Variants in CCZ1B observed in about 807,000 individuals in gnomAD.
CCZ1B encodes the protein vacuolar fusion protein CCZ1 homolog B.
In CCZ1B, 25 loss-of-function variants were observed where a neutral mutation model predicts 58.8. The ratio of observed to expected loss-of-function variants is 0.43; its 90% CI spans 0.31 to 0.59. The LOEUF (loss-of-function observed/expected upper bound fraction) is 0.59, where lower values mean the gene tolerates loss of function less well. Among genes scored for constraint, CCZ1B ranks in the 20% least tolerant of loss-of-function variants. CCZ1B has a pLI of 0.12. For synonymous variants in CCZ1B, 66 were observed against 173.2 expected (o/e 0.38, Z 4.86); for missense variants, 180 against 501.5 (o/e 0.36, Z 6.12).
rs1371783074 is a variant in CCZ1B at position 6,813,566 on chromosome 7, G to C, written c.781-529C>G. On this transcript the variant is annotated intron_variant, in intron 8 of 14. Transcript: ENST00000316731. ...CATCTCTTAAAAAAAATATTGGAGA[G>C]CGGGAGGACAAGAGGGAGGGAATGA... 2.0e-5 allele frequency among the ~76,000 whole-genome samples: 3 copies of C among 149,216 alleles called. 1 individual carries two copies. The highest frequency in any genetic ancestry group is 4.4e-5 in the Non-Finnish European group (3 of 67,652).
intron 7 of CCZ1B, among the ~76,000 whole-genome samples, chr7:6,818,600 AAAG>A (rs1783049170): frequency 7.4e-6 from 1 of 134,808 alleles, no homozygotes; most frequent in Non-Finnish European, 1.6e-5. Flanking sequence ...AGACAGAAAG[AAAG>A]AAAGAAAGAA....
At chr7:6,821,533 C>T (rs770325906) in intron 6 of CCZ1B, among the ~76,000 whole-genome samples, 50 of 152,276 alleles carry the variant, frequency 3.3e-4, no homozygotes, top group Admixed American at 2.7e-3. Flanking sequence ...TTTAGAAAGT[C>T]GAATTCAAAA....
intron 6 of CCZ1B, among the ~76,000 whole-genome samples, chr7:6,820,558 C>G (rs1198117488): frequency 6.8e-6 from 1 of 148,130 alleles, no homozygotes. Flanking sequence ...CTCCGTGATT[C>G]TCGTGTCTAG....
intron 7 of CCZ1B, among the ~76,000 whole-genome samples, chr7:6,816,508 T>C (rs1169126907): frequency 6.7e-6 from 1 of 150,208 alleles, no homozygotes; most frequent in Non-Finnish European, 1.5e-5. Flanking sequence ...CAAAGCAATA[T>C]ACTAAGTAAA....
intron 1 of CCZ1B, among the ~76,000 whole-genome samples, chr7:6,825,287 T>C (rs1257853669): frequency 2.7e-5 from 4 of 146,806 alleles, no homozygotes; most frequent in East Asian, 3.9e-4. Flanking sequence ...GCCCAGGCTG[T>C]AGTGCAGTGG....
chr7:6,816,236 TGGGGAAGCCAA>T (rs1377369332), intron 7 of CCZ1B, among the ~76,000 whole-genome samples: 6 of 148,970 alleles, frequency 4.0e-5, no homozygotes, highest in Non-Finnish European at 8.9e-5. Context: ...TCCCAGCACT[TGGGGAAGCCAA>T]GGTGAGCAGA....
intron 6 of CCZ1B, among the ~76,000 whole-genome samples, chr7:6,821,435 T>C (rs1456332209): frequency 6.6e-6 from 1 of 152,282 alleles, no homozygotes; most frequent in African/African-American, 2.4e-5. Context: ...AATATGCGAG[T>C]GGATAATTGT....
chr7:6,810,983 G>T (rs1459080047), intron 10 of CCZ1B, among the ~76,000 whole-genome samples: 1 of 150,982 alleles, frequency 6.6e-6, no homozygotes, highest in Non-Finnish European at 1.5e-5. Context: ...TCATTCTCAG[G>T]GGCAGACATC....
intron 1 of CCZ1B, among the ~76,000 whole-genome samples, chr7:6,825,413 ATT>A (rs1160935567): frequency 3.1e-4 from 35 of 113,692 alleles, no homozygotes; most frequent in African/African-American, 7.0e-4. Context: ...TCACTTTTCA[ATT>A]TTTTTTTTTT....
chr7:6,812,864 T>A, intron 9 of CCZ1B, 112 bp downstream of exon 9: 5 of 1,543,004 alleles, frequency 3.2e-6, no homozygotes, highest in Non-Finnish European at 4.4e-6. Flanking sequence ...GAGGCAGAGG[T>A]TGCAGTGAGC....
chr7:6,825,118 T>A (rs1783174216), intron 1 of CCZ1B, among the ~76,000 whole-genome samples: 1 of 150,536 alleles, frequency 6.6e-6, no homozygotes, highest in Non-Finnish European at 1.5e-5. Flanking sequence ...TCCAGGTTTC[T>A]TTCCTAGTGC....
At chr7:6,810,156 C>T (rs1292631914) in intron 10 of CCZ1B, among the ~76,000 whole-genome samples, 1 of 148,614 alleles carries the variant, frequency 6.7e-6, no homozygotes, top group African/African-American at 2.5e-5. Context: ...GGATTAGAGG[C>T]GTGCGCCACC....
At chr7:6,803,649 C>T (rs1259162150) in intron 12 of CCZ1B, among the ~76,000 whole-genome samples, 2 of 141,326 alleles carry the variant, frequency 1.4e-5, no homozygotes, top group Non-Finnish European at 3.1e-5. Flanking sequence ...TAGAGGCCCA[C>T]GGTTATACAA....
At chr7:6,825,504 C>T (rs934359444) in intron 1 of CCZ1B, among the ~76,000 whole-genome samples, 3 of 134,812 alleles carry the variant, frequency 2.2e-5, no homozygotes, top group South Asian at 2.6e-4. Context: ...CCCATCTCGG[C>T]CTCCTAAAGT....
chr7:6,824,184 C>T lies in CCZ1B; in HGVS notation c.313-18G>A. ...CGAACAACCTACAAAGTTTGATAAA[C>T]TGAAATTATACAATGAATTCATTAG... On this transcript the variant is annotated intron_variant, in intron 3 of 14. Transcript: ENST00000316731. 7.3e-7 allele frequency: 1 copy of T among 1,361,612 alleles called. No individual in the cohort carries two copies. Among genetic ancestry groups the T allele is most frequent in the South Asian group, 1.4e-5 (1 of 71,506 alleles). 84.3% of individuals were successfully genotyped at this position (1,361,612 alleles called of 1,614,324 possible). A position where few individuals can be genotyped will look rare whatever the true frequency, so the allele number is the denominator to read the frequency against.
chr7:6,824,399 G>C (rs768512309), intron 3 of CCZ1B, 56 bp downstream of exon 3: 10 of 1,583,360 alleles, frequency 6.3e-6, no homozygotes, highest in Non-Finnish European at 8.6e-6. Context: ...GAACAGTAAA[G>C]ATCACCCATA....
At chr7:6,824,402 C>T in intron 3 of CCZ1B, 53 bp downstream of exon 3, 1 of 1,584,586 alleles carries the variant, frequency 6.3e-7, no homozygotes. Context: ...CAGTAAAGAT[C>T]ACCCATAACT....
intron 7 of CCZ1B, among the ~76,000 whole-genome samples, chr7:6,817,773 G>T (rs1783029719): frequency 2.0e-5 from 3 of 149,820 alleles, no homozygotes. Flanking sequence ...CCAGCACTGG[G>T]AGGCCGAGGT....
At chr7:6,800,681 G>C (rs1226498849) in intron 14 of CCZ1B, among the ~76,000 whole-genome samples, 1 of 142,652 alleles carries the variant, frequency 7.0e-6, no homozygotes, top group Non-Finnish European at 1.5e-5. Context: ...AAAAAAGGGG[G>C]ACATTTCTTA....
Sources: gnomAD v4.1 joint callset for allele counts (sites outside exome capture counted in the v4.1 genomes callset) on GRCh38, gnomAD v4.1.1 for gene constraint, MANE v1.5 for transcripts, NCBI Gene and HGNC (gene_info 2026-07-23, HGNC 2026-07-21) for gene names.